The following SNX13 variants were observed in gnomAD, a reference collection of about 807,000 sequenced individuals.
SNX13 encodes sorting nexin 13, also known as sorting nexin-13.
A neutral mutation model predicts 133.6 loss-of-function variants in SNX13; 45 were observed. The observed-to-expected ratio is 0.34, with a 90% CI of 0.27 to 0.43. The LOEUF is 0.43. Ranked by LOEUF, SNX13 falls within the 20% of genes least tolerant of loss-of-function variation. SNX13 has a pLI of 1.00. For synonymous variants in SNX13, 414 were observed against 373.9 expected (o/e 1.11, Z -1.24); for missense variants, 1,032 against 1,145.1 (o/e 0.90, Z 1.43).
chr7:17,931,533 T>C (rs1425434560), intron 1 of SNX13, among the ~76,000 whole-genome samples: 1 of 152,158 alleles, frequency 6.6e-6, no homozygotes, highest in Non-Finnish European at 1.5e-5. Flanking sequence ...GAATCACAAC[T>C]CTTTCCTATG....
At chr7:17,816,555 G>A (rs1786688136) in intron 18 of SNX13, among the ~76,000 whole-genome samples, 1 of 152,102 alleles carries the variant, frequency 6.6e-6, no homozygotes, top group Non-Finnish European at 1.5e-5. Flanking sequence ...CAGCTACTTG[G>A]GAGGATGAGG....
intron 22 of SNX13, among the ~76,000 whole-genome samples, chr7:17,800,048 A>T (rs1784450874): frequency 6.6e-6 from 1 of 151,710 alleles, no homozygotes; most frequent in East Asian, 1.9e-4. Flanking sequence ...AGCTTAATCA[A>T]AACCAGTAGG....
intron 9 of SNX13, among the ~76,000 whole-genome samples, chr7:17,861,404 T>C (rs1038487036): frequency 6.7e-6 from 1 of 150,072 alleles, no homozygotes; most frequent in African/African-American, 2.5e-5. Flanking sequence ...GCAAAAATAA[T>C]TCGCAGCCCA....
chr7:17,938,922 A>C (rs1384873279), intron 1 of SNX13, among the ~76,000 whole-genome samples: 2 of 152,342 alleles, frequency 1.3e-5, no homozygotes, highest in African/African-American at 4.8e-5. Context: ...TATTACTGCT[A>C]ATCACAACAC....
intron 5 of SNX13, among the ~76,000 whole-genome samples, chr7:17,887,485 A>C (rs1159011851): frequency 1.3e-5 from 2 of 152,176 alleles, no homozygotes; most frequent in Non-Finnish European, 2.9e-5. Flanking sequence ...TGGAATAACA[A>C]GTACTAATAC....
chr7:17,805,210 T>TG (rs1562662106), intron 20 of SNX13, among the ~76,000 whole-genome samples: 8 of 114,414 alleles, frequency 7.0e-5, no homozygotes, highest in Admixed American at 9.5e-5. Flanking sequence ...CTAATGATTC[T>TG]TTGTGTGTGT....
rs7805710 is a variant in SNX13 at position 17,929,247 on chromosome 7, T to C, written c.12+11037A>G. 5.9e-5 allele frequency among the ~76,000 whole-genome samples: 9 copies of C among 152,126 alleles called. No individual in the cohort carries two copies. The East Asian group carries it at 7.7e-4, about 13-fold the overall frequency. On this transcript the variant is annotated intron_variant, in intron 1 of 25. Transcript: ENST00000428135. ...CTATATAAAGGAATAGAGAGAGATA[T>C]AGATTCACCCATAAAGGACCTTAAT... is the stretch of plus-strand genomic sequence containing the variant.
At chr7:17,796,442 T>C (rs1256987266) in intron 25 of SNX13, 1 of 159,210 alleles carries the variant, frequency 6.3e-6, no homozygotes. Flanking sequence ...ACCTGTCATG[T>C]ATTTTATTTA....
intron 5 of SNX13, among the ~76,000 whole-genome samples, chr7:17,876,772 T>C (rs1238009423): frequency 1.3e-5 from 2 of 152,194 alleles, no homozygotes; most frequent in East Asian, 3.9e-4. Flanking sequence ...AGTATACCAG[T>C]GTAACAGGTA....
intron 1 of SNX13, among the ~76,000 whole-genome samples, chr7:17,909,637 T>C (rs1331484356): frequency 3.9e-5 from 6 of 152,188 alleles, no homozygotes; most frequent in Admixed American, 2.0e-4. Flanking sequence ...CTGCATGTTC[T>C]CATTTGCAAG....
chr7:17,856,508 T>C (rs1380641576), intron 9 of SNX13, among the ~76,000 whole-genome samples: 1 of 152,098 alleles, frequency 6.6e-6, no homozygotes, highest in Admixed American at 6.6e-5. Context: ...AGCAGCTGAA[T>C]GTAGGCCAGG....
chr7:17,856,198 C>A (rs1791858190), intron 9 of SNX13, among the ~76,000 whole-genome samples: 1 of 152,334 alleles, frequency 6.6e-6, no homozygotes, highest in Non-Finnish European at 1.5e-5. Context: ...AAGTTCTTTA[C>A]AATTTTCTTT....
intron 18 of SNX13, among the ~76,000 whole-genome samples, chr7:17,816,515 G>T (rs1583345416): frequency 6.6e-6 from 1 of 152,160 alleles, no homozygotes; most frequent in South Asian, 2.1e-4. Context: ...TACAAAATTA[G>T]CTGGGCATGG....
At chr7:17,826,818 A>G (rs117281169) in intron 16 of SNX13, among the ~76,000 whole-genome samples, 1 of 152,068 alleles carries the variant, frequency 6.6e-6, no homozygotes, top group African/African-American at 2.4e-5. Flanking sequence ...ATATATCCAC[A>G]CATATATAAA....
chr7:17,925,900 G>A (rs865964033), intron 1 of SNX13, among the ~76,000 whole-genome samples: 2 of 152,200 alleles, frequency 1.3e-5, no homozygotes, highest in Non-Finnish European at 2.9e-5. Context: ...TTAGAACCTG[G>A]TTCTAACTGG....
chr7:17,908,051 C>T (rs1048031117), intron 1 of SNX13, among the ~76,000 whole-genome samples: 3 of 152,136 alleles, frequency 2.0e-5, no homozygotes, highest in Non-Finnish European at 4.4e-5. Context: ...ATAAACTTAT[C>T]ATGTCCAAAA....
Position 17,940,308 on chromosome 7 carries a change from G to C in SNX13, c.-13C>G. On this transcript the variant is annotated 5_prime_UTR_variant, in exon 1 of 26. Transcript: ENST00000428135. The stretch of plus-strand genomic sequence containing the variant: ...CCTCAGTTAACATTATTACACCCCG[G>C]GGAAGTGAGGTCCTCCCTAGCCTCG... 1 of 1,565,716 alleles carries C rather than the reference G, an allele frequency of 6.4e-7. No individual in the cohort carries two copies. Among genetic ancestry groups the C allele is most frequent in the Non-Finnish European group, 8.7e-7 (1 of 1,155,172 alleles).
intron 13 of SNX13, among the ~76,000 whole-genome samples, chr7:17,835,868 A>C (rs1789076011): frequency 6.6e-6 from 1 of 151,812 alleles, no homozygotes; most frequent in Non-Finnish European, 1.5e-5. Context: ...TGTTGTTTTG[A>C]GGGGGATGCT....
chr7:17,793,971 G>A lies in SNX13; in HGVS notation c.*74C>T. The A allele has an allele frequency of 6.7e-7, 1 of 1,499,860 alleles. No homozygotes were observed. Among genetic ancestry groups the A allele is most frequent in the Non-Finnish European group, 9.0e-7 (1 of 1,106,532 alleles). The allele number at this position is 1,499,860 out of a possible 1,614,324, so 92.9% of individuals were successfully genotyped here. A position where few individuals can be genotyped will look rare whatever the true frequency, so the allele number is the denominator to read the frequency against. Reference sequence around the variant, plus strand: ...GACTGGTGCAGACACAACAGTATTTGAGTTAAGCCCCAGAAGATCTGTCCA... The same window carrying A: ...GACTGGTGCAGACACAACAGTATTTAAGTTAAGCCCCAGAAGATCTGTCCA... On this transcript the variant is annotated 3_prime_UTR_variant, in exon 26 of 26. Transcript: ENST00000428135.
Sources: gnomAD v4.1 joint callset for allele counts (sites outside exome capture counted in the v4.1 genomes callset) on GRCh38, gnomAD v4.1.1 for gene constraint, MANE v1.5 for transcripts, NCBI Gene and HGNC (gene_info 2026-07-23, HGNC 2026-07-21) for gene names.